The following SF3B1 variants were observed in gnomAD, a reference collection of about 807,000 sequenced individuals.
The protein encoded by SF3B1 is pre-mRNA processing 10.
In SF3B1, 12 loss-of-function variants were observed where a neutral mutation model predicts 153.8. That is an observed-to-expected ratio of 0.08 (90% CI 0.05 to 0.13). The LOEUF is 0.13. Ranked by LOEUF, SF3B1 falls within the 10% of genes least tolerant of loss-of-function variation. The pLI, the probability that SF3B1 is intolerant of heterozygous loss-of-function variation, is 1.00. For synonymous variants in SF3B1, 498 were observed against 525.2 expected (o/e 0.95, Z 0.71); for missense variants, 513 against 1,606.1 (o/e 0.32, Z 11.63).
intron 2 of SF3B1, 126 bp downstream of exon 2, chr2:197,423,682 G>C: frequency 1.2e-6 from 1 of 843,876 alleles, no homozygotes; most frequent in Non-Finnish European, 1.8e-6. Context: ...ACCTCCAGTA[G>C]TTTTATCCTC....
At chr2:197,431,361 C>G (rs762592325) in intron 1 of SF3B1, among the ~76,000 whole-genome samples, 18 of 152,160 alleles carry the variant, frequency 1.2e-4, no homozygotes, top group Non-Finnish European at 2.6e-4. Context: ...CTTGGGTGAT[C>G]TGCCCACCTC....
Position 197,403,486 on chromosome 2 carries a change from T to A in SF3B1, c.1719+99A>T, listed in dbSNP as rs113067254. The A allele has an allele frequency of 1.3e-4, 96 of 722,756 alleles. 3 individuals are homozygous for A. Among genetic ancestry groups the A allele is most frequent in the African/African-American group, 1.3e-3 (67 of 53,326 alleles). 44.8% of individuals were successfully genotyped at this position (722,756 alleles called of 1,614,324 possible). On this transcript the variant is annotated intron_variant, in intron 12 of 24. Coordinates refer to ENST00000335508, the MANE Select transcript of SF3B1 (RefSeq NM_012433.4). ...TTTGTACATGTATGGTGTGTACTTG[T>A]GCAAAGGAAAAGGTCTAGGAGAATA...
At chr2:197,392,907 C>G (rs2084828735) in intron 24 of SF3B1, 65 bp downstream of exon 24, 1 of 939,850 alleles carries the variant, frequency 1.1e-6, no homozygotes. Flanking sequence ...GCACAAGTAT[C>G]CCAGAACTTA....
chr2:197,401,664 G>C lies in SF3B1; in HGVS notation c.2370+78C>G, dbSNP rs1189941544. 2 of 1,511,098 alleles carry C rather than the reference G, an allele frequency of 1.3e-6. No individual in the cohort carries two copies. The highest frequency in any genetic ancestry group is 1.8e-6 in the Non-Finnish European group (2 of 1,113,508). 93.6% of individuals were successfully genotyped at this position (1,511,098 alleles called of 1,614,324 possible). A position where few individuals can be genotyped will look rare whatever the true frequency, so the allele number is the denominator to read the frequency against. ...CGTGTAACATACAGTTTTTTTTGTT[G>C]ATTTTTAAAAACACTTTAAAATTCT... On this transcript the variant is annotated intron_variant, in intron 16 of 24. Transcript: ENST00000335508. This position sits in a 1 kb window ranked among gnomAD's most constrained non-coding sequence, Gnocchi z 4.2.
rs751813047 is a variant in SF3B1 at position 197,420,495 on chromosome 2, T to C, written c.348A>G (p.Glu116=). ...EHRPPKIADR[E]DEYKKHRRTM... ...TCCGCCTATGCTTTTTGTATTCATC[T>C]TCCCGGTCTGCAATCTTTGGAGGTC... Residue 116 remains glutamate (E), a synonymous_variant, in exon 4 of 25, where the codon GAA becomes GAG. Transcript: ENST00000335508. The C allele has an allele frequency of 4.3e-6, 7 of 1,613,470 alleles. No homozygotes were observed. The African/African-American group carries it at 8.0e-5, about 18-fold the overall frequency.
At chr2:197,409,324 C>T (rs1380132093) in intron 7 of SF3B1, among the ~76,000 whole-genome samples, 3 of 151,818 alleles carry the variant, frequency 2.0e-5, no homozygotes, top group African/African-American at 4.8e-5. Flanking sequence ...CGCCTGAATC[C>T]GGGAGGTGGA....
chr2:197,418,619 G>A, intron 4 of SF3B1, 31 bp from the exon 5 acceptor site: 2 of 1,594,866 alleles, frequency 1.3e-6, no homozygotes, highest in African/African-American at 1.4e-5. Context: ...AGGAAAAAGA[G>A]TACAATAAAT....
At chr2:197,426,436 T>C (rs788020) in intron 1 of SF3B1, among the ~76,000 whole-genome samples, 211 of 152,120 alleles carry the variant, frequency 1.4e-3, no homozygotes, top group African/African-American at 4.9e-3. Context: ...GTTGGGATTA[T>C]AGATGCCCAC....
intron 23 of SF3B1, 100 bp from the exon 24 acceptor site, chr2:197,393,288 G>T: frequency 1.3e-6 from 1 of 760,660 alleles, no homozygotes; most frequent in Non-Finnish European, 2.3e-6. Context: ...AATATTCACC[G>T]GCCCATTAGA....
At chr2:197,418,981 C>T in intron 4 of SF3B1, 1 of 1,526,160 alleles carries the variant, frequency 6.6e-7, no homozygotes, top group Non-Finnish European at 9.0e-7. Flanking sequence ...CCATTAGTAA[C>T]ACTTTGGAAA....
Position 197,402,755 on chromosome 2 carries a change from G to A in SF3B1, c.1878C>T (p.Asn626=), listed in dbSNP as rs1424901157. Residue 626 remains asparagine (N), a synonymous_variant, in exon 14 of 25, where the codon AAC becomes AAT. Coordinates refer to ENST00000335508, the MANE Select transcript of SF3B1 (RefSeq NM_012433.4). This position sits in a 1 kb window ranked among gnomAD's most constrained non-coding sequence, Gnocchi z 4.6. ...DIDNMDEYVR[N]TTARAFAVVA... is the part of the protein sequence containing the mutation. ...CAACAGCAAAAGCTCTAGCTGTTGT[G>A]TTACGGACATACTCATCCATGTTAT... is the stretch of plus-strand genomic sequence containing the variant. The A allele has an allele frequency of 3.7e-6, 6 of 1,613,956 alleles. No individual in the cohort carries two copies. Among genetic ancestry groups the A allele is most frequent in the Middle Eastern group, 3.3e-4 (2 of 6,062 alleles).
In SF3B1 at chr2:197,435,019, A is replaced by T; in HGVS notation, c.-20T>A. On this transcript the variant is annotated 5_prime_UTR_variant, in exon 1 of 25. Coordinates refer to ENST00000335508, the MANE Select transcript of SF3B1 (RefSeq NM_012433.4). The stretch of plus-strand genomic sequence containing the variant: ...CGCCATTTTGTCCACTCGAACACAC[A>T]GACGGAACTGGCGCTCCCAAGAACT... 6.2e-7 allele frequency: 1 copy of T among 1,614,278 alleles called. No individual in the cohort carries two copies. Among genetic ancestry groups the T allele is most frequent in the Non-Finnish European group, 8.5e-7 (1 of 1,180,040 alleles).
chr2:197,411,406 G>A (rs1051065738), intron 6 of SF3B1, among the ~76,000 whole-genome samples: 26 of 151,300 alleles, frequency 1.7e-4, no homozygotes, highest in Middle Eastern at 3.6e-3. Context: ...GGGTGCGGTG[G>A]CTCACACCCG....
At chr2:197,419,738 T>C (rs1446688060) in intron 4 of SF3B1, 4 of 221,824 alleles carry the variant, frequency 1.8e-5, no homozygotes, top group Non-Finnish European at 2.7e-5. Flanking sequence ...AAAAAGAATA[T>C]CCCTACTAAT....
chr2:197,420,649 C>T (rs1281192234), intron 3 of SF3B1, 107 bp from the exon 4 acceptor site: 1 of 651,048 alleles, frequency 1.5e-6, no homozygotes, highest in Non-Finnish European at 2.7e-6. Context: ...TAATACATGC[C>T]TACTAATATT....
rs1445316463 is a variant in SF3B1, at chr2:197,400,602, T to TTTTA, written c.2718+109_2718+112dup. On this transcript the variant is annotated intron_variant, in intron 18 of 24. Transcript: ENST00000335508. This position sits in a 1 kb window ranked among gnomAD's most constrained non-coding sequence, Gnocchi z 5.0. ...ATATCGTTTGGTAACCCCCTGAGCATTTTAAAAATTACTTCAAATTCAATT... is the reference window on the plus strand; with the variant it reads ...ATATCGTTTGGTAACCCCCTGAGCATTTTATTTAAAAATTACTTCAAATTCAATT... The TTTTA allele has an allele frequency of 9.7e-7, 1 of 1,028,688 alleles. No individual in the cohort carries two copies. The highest frequency in any genetic ancestry group is 1.4e-6 in the Non-Finnish European group (1 of 708,128). The allele number at this position is 1,028,688 out of a possible 1,614,324, so 63.7% of individuals were successfully genotyped here.
intron 1 of SF3B1, among the ~76,000 whole-genome samples, 181 bp from the exon 2 acceptor site, chr2:197,424,155 G>T (rs958876359): frequency 3.3e-5 from 5 of 152,238 alleles, no homozygotes; most frequent in Admixed American, 6.5e-5. Context: ...ATTAAACCAT[G>T]ATAGGCTGGG....
chr2:197,426,800 G>A (rs2085343818), intron 1 of SF3B1, among the ~76,000 whole-genome samples: 1 of 151,490 alleles, frequency 6.6e-6, no homozygotes, highest in Non-Finnish European at 1.5e-5. Context: ...TCCAACCCCA[G>A]CCCACCCCTA....
intron 5 of SF3B1, 21 bp from the exon 6 acceptor site, chr2:197,416,932 T>C: frequency 6.2e-7 from 1 of 1,601,142 alleles, no homozygotes; most frequent in East Asian, 2.2e-5. Context: ...CAGTGAGTAT[T>C]TACCTTTAAA....
Sources: allele counts gnomAD v4.1 joint callset (sites outside exome capture counted in the v4.1 genomes callset), GRCh38; gene constraint gnomAD v4.1.1; non-coding constraint Gnocchi (gnomAD v3.1); transcripts MANE v1.5; gene names NCBI Gene and HGNC (gene_info 2026-07-23, HGNC 2026-07-21).